The following TNXB variants were observed in gnomAD, a reference collection of about 807,000 sequenced individuals.
TNXB encodes tenascin XB, also known as tenascin-X.
TNXB carries 183 observed loss-of-function variants against 340.5 expected under a neutral mutation model. The observed-to-expected ratio is 0.54, with a 90% confidence interval of 0.48 to 0.61. The LOEUF is 0.61. Among genes scored for constraint, TNXB ranks in the 20% least tolerant of loss-of-function variants. TNXB has a pLI of 0.00. For missense variants in TNXB, 4,613 were observed against 5,446.4 expected, an observed-to-expected ratio of 0.85 and a Z score of 4.82; for synonymous variants, 2,121 against 2,314.5, an observed-to-expected ratio of 0.92 and a Z score of 2.40.
chr6:32,097,418 G>A lies in TNXB; in HGVS notation c.435C>T (p.Leu145=). The A allele has an allele frequency of 6.2e-7, 1 of 1,604,940 alleles. No homozygotes were observed. Among genetic ancestry groups the A allele is most frequent in the Non-Finnish European group, 8.5e-7 (1 of 1,177,806 alleles). The change falls in exon 3 of 44, where the codon CTC becomes CTT. Residue 145 remains leucine, a synonymous_variant. Coordinates refer to ENST00000644971, the MANE Select transcript of TNXB (RefSeq NM_001365276.2). The surrounding 1 kb of genome is among the most constrained non-coding windows in gnomAD (Gnocchi z 5.9). The part of the protein sequence containing the change: ...GQTDVRTLCS[L]HGVFDLSRCT... The stretch of plus-strand genomic sequence containing the variant: ...AGCGGCTCAGATCAAACACACCATG[G>A]AGACTGCAGAGGGTCCGCACATCTG...
At chr6:32,043,644 C>A in intron 35 of TNXB, 88 bp from the exon 36 acceptor site, 1 of 1,539,556 alleles carries the variant, frequency 6.5e-7, no homozygotes, top group South Asian at 1.1e-5. Context: ...CGTCCGCAAT[C>A]GGAGCCTCCA....
In TNXB at chr6:32,045,977, C is replaced by T. The variant is rs965396484; in HGVS notation, c.10606+198G>A. On this transcript the variant is annotated intron_variant, in intron 31 of 43. Coordinates refer to ENST00000644971, the MANE Select transcript of TNXB (RefSeq NM_001365276.2). Reference sequence around the variant, plus strand: ...AGCCCCTCCCAGGGCCTTTCCCTCCCGCCTGGCCTGGCTCCTGCTCTGGAC... The same window carrying T: ...AGCCCCTCCCAGGGCCTTTCCCTCCTGCCTGGCCTGGCTCCTGCTCTGGAC... 1.9e-5 allele frequency: 25 copies of T among 1,315,150 alleles called. No homozygotes were observed. In the African/African-American group the frequency reaches 2.5e-4, roughly 13 times the overall value. 81.5% of individuals were successfully genotyped at this position (1,315,150 alleles called of 1,614,324 possible). A position where few individuals can be genotyped will look rare whatever the true frequency, so the allele number is the denominator to read the frequency against.
At chr6:32,086,204 C>G (rs1405519893) in intron 6 of TNXB, 86 bp from the exon 7 acceptor site, 3 of 1,388,842 alleles carry the variant, frequency 2.2e-6, no homozygotes, top group Non-Finnish European at 1.9e-6. Context: ...TGCCCTCCAG[C>G]CTCTAAGAGC....
rs1778852015 is a variant in TNXB, at chr6:32,072,766, A to G, written c.4682-468T>C. Among the ~76,000 whole-genome samples the G allele has an allele frequency of 6.6e-6, 1 of 152,228 alleles. No individual in the cohort carries two copies. Among genetic ancestry groups the G allele is most frequent in the African/African-American group, 2.4e-5 (1 of 41,466 alleles). ...GGAGTTTGAGGCCAGCCTGGCCAACATGGCGAAACCCTGTTTCTACTAAAA... is the reference window on the plus strand; with the variant it reads ...GGAGTTTGAGGCCAGCCTGGCCAACGTGGCGAAACCCTGTTTCTACTAAAA... On this transcript the variant is annotated intron_variant, in intron 12 of 43. Coordinates refer to ENST00000644971, the MANE Select transcript of TNXB (RefSeq NM_001365276.2). The surrounding 1 kb of genome is among the most constrained non-coding windows in gnomAD (Gnocchi z 4.4).
intron 22 of TNXB, among the ~76,000 whole-genome samples, chr6:32,057,273 A>G (rs577749428): frequency 1.3e-5 from 2 of 151,446 alleles, no homozygotes; most frequent in South Asian, 4.2e-4. Flanking sequence ...AGCTCAGCAC[A>G]CTCCTCCCGA....
intron 13 of TNXB, 95 bp downstream of exon 13, chr6:32,071,893 CAG>C (rs1449251558): frequency 4.4e-6 from 5 of 1,127,134 alleles, no homozygotes; most frequent in Non-Finnish European, 6.2e-6. Context: ...TCAAATGAGA[CAG>C]AGCAGGTGGA....
chr6:32,108,370 C>T lies in TNXB; in HGVS notation c.-9+811G>A, dbSNP rs1421136438. ...TACTGGTGGTGGGGGGCGGGGGCGG[C>T]GAGGTGAGGGAGAGTGCGGGTTCAG... On this transcript the variant is annotated intron_variant, in intron 1 of 43. Transcript: ENST00000644971. The surrounding 1 kb of genome is among the most constrained non-coding windows in gnomAD (Gnocchi z 4.8). Among the ~76,000 whole-genome samples, 5 of 151,972 alleles carry T rather than the reference C, an allele frequency of 3.3e-5. No individual in the cohort carries two copies. The highest frequency in any genetic ancestry group is 2.1e-4 in the South Asian group (1 of 4,816).
chr6:32,069,607 A>G lies in TNXB; in HGVS notation c.5533T>C (p.Tyr1845His). 6.2e-7 allele frequency: 1 copy of G among 1,605,038 alleles called. No homozygotes were observed. The highest frequency in any genetic ancestry group is 1.1e-5 in the South Asian group (1 of 90,390). ...ACACGCTTGCCGTGGTGCAGCCCGT[A>G]GAGCAGCAGCTTGTACCTGTGGGCA... ...DPAHRYKLLL[Y>H]GLHHGKRVGP... Residue 1845 changes from tyrosine (Y) to histidine (H), a missense_variant, in exon 15 of 44, where the codon TAC becomes CAC. Tyr to His is a moderately conservative substitution (Grantham distance 83, BLOSUM62 2). This residue lies in a region of TNXB where 4,327 missense variants were observed against 4,859.4 expected (regional missense o/e 0.89). Transcript: ENST00000644971. The surrounding 1 kb of genome is among the most constrained non-coding windows in gnomAD (Gnocchi z 6.2).
Position 32,096,320 on chromosome 6 carries a change from G to T in TNXB, c.1533C>A (p.Arg511=), listed in dbSNP as rs1280346529. 14 of 1,549,502 alleles carry T rather than the reference G, an allele frequency of 9.0e-6. No homozygotes were observed. Among genetic ancestry groups the T allele is most frequent in the Non-Finnish European group, 1.1e-5 (13 of 1,152,762 alleles). Residue 511 remains arginine, a synonymous_variant, in exon 3 of 44, where the codon CGC becomes CGA. Coordinates refer to ENST00000644971, the MANE Select transcript of TNXB (RefSeq NM_001365276.2). The stretch of plus-strand genomic sequence containing the variant: ...CGGTGAAGCCCGGGTTGCACACGCA[G>T]CGGCCATCCACGCAGCGCCCGCGCC... ...CRGRGRCVDG[R]CVCNPGFTGE...
Position 32,096,163 on chromosome 6 carries a change from G to T in TNXB, c.1690C>A (p.Arg564=). The T allele has an allele frequency of 1.3e-6, 2 of 1,578,616 alleles. No homozygotes were observed. The highest frequency in any genetic ancestry group is 1.7e-6 in the Non-Finnish European group (2 of 1,164,650). ...CCATCTAGGCACTGGCCGCGGCCTCGGCAGCCCCCGGGGCAGCTGCGCGTG... is the reference window on the plus strand; with the variant it reads ...CCATCTAGGCACTGGCCGCGGCCTCTGCAGCCCCCGGGGCAGCTGCGCGTG... The part of the protein sequence containing the change: ...CSTRSCPGGC[R]GRGQCLDGRC... Residue 564 remains arginine, a synonymous_variant, in exon 3 of 44, where the codon CGA becomes AGA. Coordinates refer to ENST00000644971, the MANE Select transcript of TNXB (RefSeq NM_001365276.2).
Position 32,064,656 on chromosome 6 carries a change from C to G in TNXB, c.6841+165G>C, listed in dbSNP as rs1044444425. On this transcript the variant is annotated intron_variant, in intron 19 of 43. Coordinates refer to ENST00000644971, the MANE Select transcript of TNXB (RefSeq NM_001365276.2). This position sits in a 1 kb window ranked among gnomAD's most constrained non-coding sequence, Gnocchi z 5.3. The stretch of plus-strand genomic sequence containing the variant: ...AGCCCATGTGTAACGGGCAGAAGAC[C>G]TGGGGCAATACCAAAGTCTCGGAGT... Among the ~76,000 whole-genome samples, 2 of 152,154 alleles carry G rather than the reference C, an allele frequency of 1.3e-5. No homozygotes were observed. Among genetic ancestry groups the G allele is most frequent in the African/African-American group, 4.8e-5 (2 of 41,428 alleles).
rs891472357 is a variant in TNXB, at chr6:32,072,205, G to C, written c.4775C>G (p.Ser1592Cys). The stretch of plus-strand genomic sequence containing the variant: ...AGGGACTGTCCATGAGAGGCCCACA[G>C]AGTCAGGGGTTATATCCGTCACTGT... ...ELTVTDITPD[S>C]VGLSWTVPEG... The change falls in exon 13 of 44, where the codon TCT becomes TGT. Residue 1592 changes from serine (S) to cysteine (C), a missense_variant. By Grantham distance (112) the Ser-to-Cys change is moderately radical (BLOSUM62 -1). Around this residue, in one of 7 missense-constraint regions of TNXB, gnomAD observed 4,327 missense variants for 4,859.4 expected, o/e 0.89. Coordinates refer to ENST00000644971, the MANE Select transcript of TNXB (RefSeq NM_001365276.2). This position sits in a 1 kb window ranked among gnomAD's most constrained non-coding sequence, Gnocchi z 4.4. The C allele has an allele frequency of 1.2e-6, 2 of 1,612,130 alleles. No homozygotes were observed. Among genetic ancestry groups the C allele is most frequent in the Admixed American group, 1.7e-5 (1 of 59,998 alleles).
At chr6:32,106,141 G>GC (rs1204022070) in intron 1 of TNXB, among the ~76,000 whole-genome samples, 2 of 149,888 alleles carry the variant, frequency 1.3e-5, no homozygotes, top group South Asian at 2.1e-4. Flanking sequence ...TGGGGGGGGG[G>GC]GCTTCTGGGG....
chr6:32,050,313 C>A lies in TNXB; in HGVS notation c.9124G>T (p.Asp3042Tyr). ...ACTGCTTGGGTGGTCTCGGCTTCAT[C>A]CTTTGGAGCTGGACAGACACGTGTG... ...VSAVGVTAPKDEAETTQAVPT... is the reference protein window; with the variant it reads ...VSAVGVTAPKYEAETTQAVPT... The change falls in exon 27 of 44, where the codon GAT becomes TAT. Residue 3042 changes from aspartate (D) to tyrosine (Y), a missense_variant. Physicochemically the swap from Asp to Tyr is radical, Grantham distance 160. Coordinates refer to ENST00000644971, the MANE Select transcript of TNXB (RefSeq NM_001365276.2). 6.2e-7 allele frequency: 1 copy of A among 1,612,650 alleles called. No homozygotes were observed. Among genetic ancestry groups the A allele is most frequent in the Non-Finnish European group, 8.5e-7 (1 of 1,179,412 alleles).
In TNXB at chr6:32,056,737, A is replaced by T; in HGVS notation, c.7992T>A (p.Asn2664Lys). Residue 2664 changes from asparagine to lysine, a missense_variant, in exon 23 of 44, where the codon AAT (asparagine) becomes AAA (lysine). Around this residue, in one of 7 missense-constraint regions of TNXB, gnomAD observed 4,327 missense variants for 4,859.4 expected, o/e 0.89. Coordinates refer to ENST00000644971, the MANE Select transcript of TNXB (RefSeq NM_001365276.2). ...GCACCGCCTTGGGCTGCCCATCCCCATTCCTGTACTGGACCAGGAAGTGGT... is the reference window on the plus strand; with the variant it reads ...GCACCGCCTTGGGCTGCCCATCCCCTTTCCTGTACTGGACCAGGAAGTGGT... ...QFDHFLVQYRNGDGQPKAVRV... is the reference protein window; with the variant it reads ...QFDHFLVQYRKGDGQPKAVRV... The T allele has an allele frequency of 6.2e-7, 1 of 1,613,172 alleles. No individual in the cohort carries two copies. The highest frequency in any genetic ancestry group is 8.5e-7 in the Non-Finnish European group (1 of 1,179,836).
At chr6:32,077,083 C>T (rs1779121237) in intron 11 of TNXB, among the ~76,000 whole-genome samples, 1 of 152,252 alleles carries the variant, frequency 6.6e-6, no homozygotes. Flanking sequence ...CCATTTATCT[C>T]TACTGCACCG....
intron 21 of TNXB, among the ~76,000 whole-genome samples, chr6:32,059,176 T>C (rs1777862692): frequency 6.6e-6 from 1 of 151,698 alleles, no homozygotes. Context: ...CCTAGCATTT[T>C]GGGAGGCCGA....
chr6:32,094,095 CAAAAAAAAAAAAAA>C (rs9281649), intron 4 of TNXB, among the ~76,000 whole-genome samples: 3 of 28,972 alleles, frequency 1.0e-4, no homozygotes, highest in South Asian at 2.5e-3. Context: ...CTCTCTGTCT[CAAAAAAAAAAAAAA>C]AAAAAAAAAA....
In TNXB at chr6:32,069,677, G is replaced by A. The variant is rs781541951; in HGVS notation, c.5463C>T (p.Pro1821=). ...KDRDGQPQVV[P]VEGSLREVSV... is the part of the protein sequence containing the mutation. ...TGACCTCCCTGAGGCTGCCCTCCAC[G>A]GGCACCACCTGGGGCTGCCCGTCCC... The change falls in exon 15 of 44, where the codon CCC becomes CCT. Residue 1821 remains proline, a synonymous_variant. Coordinates refer to ENST00000644971, the MANE Select transcript of TNXB (RefSeq NM_001365276.2). The surrounding 1 kb of genome is among the most constrained non-coding windows in gnomAD (Gnocchi z 6.2). 16 of 1,612,834 alleles carry A rather than the reference G, an allele frequency of 9.9e-6. No individual in the cohort carries two copies. The highest frequency in any genetic ancestry group is 4.5e-5 in the East Asian group (2 of 44,882).
Sources: gnomAD v4.1 joint callset for allele counts (sites outside exome capture counted in the v4.1 genomes callset) on GRCh38, gnomAD v4.1.1 for gene constraint, gnomAD v4.1.1 regional missense constraint, Gnocchi (gnomAD v3.1) non-coding constraint, MANE v1.5 for transcripts, NCBI Gene and HGNC (gene_info 2026-07-23, HGNC 2026-07-21) for gene names.